PBX3: variants seen among roughly 807,000 people sequenced by gnomAD.
PBX3 encodes PBX homeobox 3, also known as pre-B-cell leukemia transcription factor 3.
A neutral mutation model predicts 48.5 loss-of-function variants in PBX3; 14 were observed. That is an observed-to-expected ratio of 0.29 (90% confidence interval 0.19 to 0.45). PBX3 has a LOEUF of 0.45. Among genes scored for constraint, PBX3 ranks in the 20% least tolerant of loss-of-function variants. The pLI is 1.00. For synonymous variants in PBX3, 210 were observed against 200.3 expected, an observed-to-expected ratio of 1.05 and a Z score of -0.41; for missense variants, 386 against 546.7, an observed-to-expected ratio of 0.71 and a Z score of 2.93.
chr9:125,826,951 T>C, intron 2 of PBX3, among the ~76,000 whole-genome samples: 1 of 152,212 alleles, frequency 6.6e-6, no homozygotes, highest in East Asian at 1.9e-4. Context: ...CACTCTACCC[T>C]GCTATCAAAC....
At chr9:125,928,052 G>A (rs1277952082) in intron 3 of PBX3, among the ~76,000 whole-genome samples, 2 of 151,648 alleles carry the variant, frequency 1.3e-5, no homozygotes, top group East Asian at 3.9e-4. Context: ...GCGTGGCGGT[G>A]TGTACCTGTA....
intron 5 of PBX3, among the ~76,000 whole-genome samples, chr9:125,936,794 T>C (rs976697522): frequency 6.6e-6 from 1 of 152,224 alleles, no homozygotes; most frequent in Non-Finnish European, 1.5e-5. Context: ...AGAAATGGAA[T>C]ATAATTGATT....
At chr9:125,947,060 C>T (rs181601083) in intron 5 of PBX3, among the ~76,000 whole-genome samples, 275 of 152,120 alleles carry the variant, frequency 1.8e-3, no homozygotes, top group Middle Eastern at 6.8e-3. Context: ...TAAATGTCCG[C>T]CTAGAATTCT....
chr9:125,752,712 T>C (rs1271268730), intron 2 of PBX3, among the ~76,000 whole-genome samples: 1 of 152,204 alleles, frequency 6.6e-6, no homozygotes, highest in Admixed American at 6.5e-5. Context: ...ATTCTTTTAA[T>C]TCTACATATG....
chr9:125,929,593 G>A, intron 3 of PBX3, 62 bp from the exon 4 acceptor site: 2 of 1,179,190 alleles, frequency 1.7e-6, no homozygotes, highest in East Asian at 2.3e-5. Context: ...ATTCAGATGA[G>A]TGAATGTCTT....
intron 2 of PBX3, among the ~76,000 whole-genome samples, chr9:125,900,479 C>T (rs1312145791): frequency 6.6e-6 from 1 of 151,504 alleles, no homozygotes; most frequent in South Asian, 2.1e-4. Flanking sequence ...TAAAATCAGG[C>T]CGCAATATTC....
chr9:125,747,729 G>C (rs1277414785), intron 1 of PBX3, 76 bp downstream of exon 1: 2 of 1,172,792 alleles, frequency 1.7e-6, no homozygotes, highest in Non-Finnish European at 1.2e-6. Context: ...GCCCGGGGTG[G>C]CGCCCGGGGC....
chr9:125,781,489 A>C (rs1272039383), intron 2 of PBX3, among the ~76,000 whole-genome samples: 1 of 145,046 alleles, frequency 6.9e-6, no homozygotes, highest in Non-Finnish European at 1.5e-5. Context: ...AGCTTCGGCT[A>C]GGCATCAGAG....
At chr9:125,754,597 TA>T (rs1267936610) in intron 2 of PBX3, among the ~76,000 whole-genome samples, 16 of 39,924 alleles carry the variant, frequency 4.0e-4, no homozygotes, top group Non-Finnish European at 1.3e-3. Context: ...ACTCAGAACA[TA>T]TTAAAAAATA....
At chr9:125,826,823 CAG>C (rs1838821473) in intron 2 of PBX3, among the ~76,000 whole-genome samples, 2 of 152,060 alleles carry the variant, frequency 1.3e-5, no homozygotes, top group Admixed American at 1.3e-4. Context: ...ATGATCAAGT[CAG>C]AGTATTTAAG....
At chr9:125,755,407 C>T (rs541735552) in intron 2 of PBX3, among the ~76,000 whole-genome samples, 8 of 152,130 alleles carry the variant, frequency 5.3e-5, no homozygotes, top group African/African-American at 9.6e-5. Flanking sequence ...AAACAGTGTG[C>T]GGTAAAAGTG....
At chr9:125,913,893 A>G (rs941016844) in intron 2 of PBX3, among the ~76,000 whole-genome samples, 4 of 152,198 alleles carry the variant, frequency 2.6e-5, no homozygotes, top group Non-Finnish European at 5.9e-5. Context: ...AGAATAAAAA[A>G]TTAAACAATT....
chr9:125,781,897 G>A (rs1455321237), intron 2 of PBX3, among the ~76,000 whole-genome samples: 1 of 151,768 alleles, frequency 6.6e-6, no homozygotes, highest in African/African-American at 2.4e-5. Flanking sequence ...ATTTTCCTAA[G>A]TATGTCCTAT....
intron 2 of PBX3, among the ~76,000 whole-genome samples, chr9:125,873,080 A>T (rs557911473): frequency 6.6e-6 from 1 of 151,936 alleles, no homozygotes; most frequent in African/African-American, 2.4e-5. Context: ...AGGCACCTGT[A>T]ATCCCAGCTA....
At chr9:125,873,272 C>T (rs1840171973) in intron 2 of PBX3, among the ~76,000 whole-genome samples, 2 of 151,946 alleles carry the variant, frequency 1.3e-5, no homozygotes, top group South Asian at 4.2e-4. Flanking sequence ...TTTATCATAT[C>T]CCTGTTGGCA....
chr9:125,964,512 C>CTT (rs3051317), intron 8 of PBX3, among the ~76,000 whole-genome samples: 86,820 of 146,478 alleles, frequency 0.59, 27,720 homozygotes, highest in East Asian at 0.76. Flanking sequence ...ACCACCATAG[C>CTT]TTTTTTTTTT....
intron 5 of PBX3, among the ~76,000 whole-genome samples, chr9:125,942,688 G>A (rs1841981419): frequency 6.6e-6 from 1 of 152,150 alleles, no homozygotes; most frequent in African/African-American, 2.4e-5. Context: ...GAAGGAAAAG[G>A]CAGCTATTTT....
At chr9:125,905,866 A>G (rs1039614694) in intron 2 of PBX3, among the ~76,000 whole-genome samples, 3 of 152,010 alleles carry the variant, frequency 2.0e-5, no homozygotes, top group East Asian at 1.9e-4. Context: ...TGCTGGGAAG[A>G]TGCTCTGAAG....
chr9:125,903,664 A>G (rs1212954318), intron 2 of PBX3, among the ~76,000 whole-genome samples: 1 of 151,898 alleles, frequency 6.6e-6, no homozygotes, highest in African/African-American at 2.4e-5. Flanking sequence ...AAAAGAAGTA[A>G]GTTAACAAAT....
Sources: allele counts gnomAD v4.1 joint callset (sites outside exome capture counted in the v4.1 genomes callset), GRCh38; gene constraint gnomAD v4.1.1; transcripts MANE v1.5; gene names NCBI Gene and HGNC (gene_info 2026-07-23, HGNC 2026-07-21).